The following MGLL variants were observed in gnomAD, a reference collection of about 807,000 sequenced individuals.
The protein encoded by MGLL is monoglyceride lipase, also known as lysophospholipase homolog.
A neutral mutation model predicts 29.1 loss-of-function variants in MGLL; 7 were observed. That is an observed-to-expected ratio of 0.24 (90% CI 0.14 to 0.45). The LOEUF (loss-of-function observed/expected upper bound fraction) is 0.45. Ranked by LOEUF, MGLL falls within the 20% of genes least tolerant of loss-of-function variation. MGLL has a pLI of 0.99. For missense variants in MGLL, 356 were observed against 413.6 expected (o/e 0.86, Z 1.21); for synonymous variants, 148 against 168.3 (o/e 0.88, Z 0.93).
At chr3:127,724,869 T>C (rs1251227866) in intron 3 of MGLL, among the ~76,000 whole-genome samples, 2 of 150,550 alleles carry the variant, frequency 1.3e-5, no homozygotes, top group African/African-American at 2.5e-5. Context: ...GGACGTAGTA[T>C]CACTCATTTT....
intron 2 of MGLL, among the ~76,000 whole-genome samples, chr3:127,793,545 A>G (rs1486831680): frequency 6.6e-6 from 1 of 152,058 alleles, no homozygotes; most frequent in African/African-American, 2.4e-5. Flanking sequence ...AGTGGGTCTT[A>G]TTTTATAGAT....
rs80165724 is a variant in MGLL at position 127,749,884 on chromosome 3, T to C, written c.263-27318A>G. On this transcript the variant is annotated intron_variant, in intron 3 of 7. Transcript: ENST00000265052. ...CAGAAGGAGGTGACAGAGCAAGCCA[T>C]TCAGACATCTGGGGACACATGTTCC... Among the ~76,000 whole-genome samples, 456 of 152,266 alleles carry C rather than the reference T, an allele frequency of 3.0e-3. 2 individuals are homozygous for C. The highest frequency in any genetic ancestry group is 0.011 in the African/African-American group (440 of 41,542).
At chr3:127,785,566 G>A (rs1012871235) in intron 2 of MGLL, among the ~76,000 whole-genome samples, 2 of 152,266 alleles carry the variant, frequency 1.3e-5, no homozygotes, top group Non-Finnish European at 2.9e-5. Flanking sequence ...TGTGAACAGA[G>A]AGCAAAGTTC....
chr3:127,775,081 G>T (rs1283151011), intron 3 of MGLL, among the ~76,000 whole-genome samples: 2 of 152,144 alleles, frequency 1.3e-5, no homozygotes, highest in Non-Finnish European at 2.9e-5. Flanking sequence ...ATGCTTAATA[G>T]TGAATGAAGA....
At chr3:127,737,789 C>T (rs1428158129) in intron 3 of MGLL, among the ~76,000 whole-genome samples, 1 of 151,610 alleles carries the variant, frequency 6.6e-6, no homozygotes. Flanking sequence ...GGATTACAGG[C>T]ATGCACCACC....
At chr3:127,704,330 T>C (rs1216659988) in intron 6 of MGLL, among the ~76,000 whole-genome samples, 1 of 152,226 alleles carries the variant, frequency 6.6e-6, no homozygotes, top group Non-Finnish European at 1.5e-5. Flanking sequence ...AAAGATTTCA[T>C]GATGAAAATG....
intron 2 of MGLL, among the ~76,000 whole-genome samples, chr3:127,801,866 G>T (rs2077485345): frequency 6.6e-6 from 1 of 151,024 alleles, no homozygotes; most frequent in South Asian, 2.1e-4. Flanking sequence ...CCCTATGAAA[G>T]TAGCTGGAAG....
Position 127,691,604 on chromosome 3 carries a change from C to A in MGLL, c.*594G>T. 1 of 157,096 alleles carries A rather than the reference C, an allele frequency of 6.4e-6. No homozygotes were observed. The highest frequency in any genetic ancestry group is 1.4e-5 in the Non-Finnish European group (1 of 71,104). The allele number at this position is 157,096 out of a possible 1,614,324, so 9.7% of individuals were successfully genotyped here. ...CCTCACCCCCCGCCCCTCTGCAAAG[C>A]CTGGTCTCAGGCTAACAAGGAGCCC... On this transcript the variant is annotated 3_prime_UTR_variant, in exon 8 of 8. Transcript: ENST00000265052.
At chr3:127,737,935 T>C (rs1225626210) in intron 3 of MGLL, among the ~76,000 whole-genome samples, 2 of 152,118 alleles carry the variant, frequency 1.3e-5, no homozygotes, top group Non-Finnish European at 2.9e-5. Context: ...ATCAACTCCT[T>C]CTTAAAACGG....
At position 127,690,752 on chromosome 3, in the gene MGLL, T is replaced by G. The variant is rs973818178; in HGVS notation, c.*1446A>C. ...GCAAGTCCCATTTAGAAGGGGAAAG[T>G]ATTCCCGAGGCGGGTGGTGAACCCC... On this transcript the variant is annotated 3_prime_UTR_variant, in exon 8 of 8. Transcript: ENST00000265052. 3.3e-5 allele frequency: 5 copies of G among 152,766 alleles called. No individual in the cohort carries two copies. Among genetic ancestry groups the G allele is most frequent in the African/African-American group, 1.2e-4 (5 of 41,460 alleles). 9.5% of individuals were successfully genotyped at this position (152,766 alleles called of 1,614,324 possible). A position where few individuals can be genotyped will look rare whatever the true frequency, so the allele number is the denominator to read the frequency against.
intron 2 of MGLL, among the ~76,000 whole-genome samples, chr3:127,796,385 G>A (rs2077381689): frequency 6.6e-6 from 1 of 152,214 alleles, no homozygotes. Context: ...ACTACTTAGA[G>A]ATTCAAGCCT....
chr3:127,740,563 G>C (rs1450927341), intron 3 of MGLL, among the ~76,000 whole-genome samples: 2 of 152,234 alleles, frequency 1.3e-5, no homozygotes, highest in Non-Finnish European at 2.9e-5. Context: ...CAGGGGCTCT[G>C]CGGGGGCCCT....
In MGLL at chr3:127,692,035, T is replaced by G; in HGVS notation, c.*163A>C. The G allele has an allele frequency of 1.0e-6, 1 of 961,186 alleles. No individual in the cohort carries two copies. The highest frequency in any genetic ancestry group is 1.5e-6 in the Non-Finnish European group (1 of 659,938). The allele number at this position is 961,186 out of a possible 1,614,324, so 59.5% of individuals were successfully genotyped here. A position where few individuals can be genotyped will look rare whatever the true frequency, so the allele number is the denominator to read the frequency against. ...AGGTCCAGTGTCTGATAGTCTAATG[T>G]ATAACAAAAATGTCTGTTATTTTTT... On this transcript the variant is annotated 3_prime_UTR_variant, in exon 8 of 8. Coordinates refer to ENST00000265052, the MANE Select transcript of MGLL (RefSeq NM_007283.7).
intron 3 of MGLL, among the ~76,000 whole-genome samples, chr3:127,762,489 C>G (rs2076783602): frequency 6.6e-6 from 1 of 152,186 alleles, no homozygotes; most frequent in Non-Finnish European, 1.5e-5. Flanking sequence ...TTCTTCTGGT[C>G]CACTTGCAGC....
At chr3:127,695,882 G>C (rs1417198426) in intron 6 of MGLL, among the ~76,000 whole-genome samples, 1 of 152,212 alleles carries the variant, frequency 6.6e-6, no homozygotes, top group Non-Finnish European at 1.5e-5. Flanking sequence ...TTTGTTCTCT[G>C]TCTCTGCTGA....
chr3:127,740,011 C>A (rs1332715102), intron 3 of MGLL, among the ~76,000 whole-genome samples: 1 of 152,164 alleles, frequency 6.6e-6, no homozygotes, highest in Non-Finnish European at 1.5e-5. Flanking sequence ...CAGAGGCCTG[C>A]GGGCCAGCAG....
intron 2 of MGLL, among the ~76,000 whole-genome samples, chr3:127,815,550 C>T (rs1165932929): frequency 6.6e-6 from 1 of 152,232 alleles, no homozygotes; most frequent in Non-Finnish European, 1.5e-5. Flanking sequence ...TGAACCTCTC[C>T]ATCTAGCTGG....
At chr3:127,695,281 G>A in intron 6 of MGLL, 91 bp from the exon 7 acceptor site, 1 of 1,314,940 alleles carries the variant, frequency 7.6e-7, no homozygotes, top group Non-Finnish European at 1.1e-6. Context: ...CTTCTGCTCT[G>A]GCCTGAAGGG....
At chr3:127,764,081 T>C (rs777028946) in intron 3 of MGLL, among the ~76,000 whole-genome samples, 22 of 152,170 alleles carry the variant, frequency 1.4e-4, no homozygotes, top group Non-Finnish European at 2.1e-4. Context: ...CCTCTCTGGG[T>C]GGCACCCCAT....
Sources: allele counts gnomAD v4.1 joint callset (sites outside exome capture counted in the v4.1 genomes callset), GRCh38; gene constraint gnomAD v4.1.1; transcripts MANE v1.5; gene names NCBI Gene and HGNC (gene_info 2026-07-23, HGNC 2026-07-21).